Variants in AGBL1 observed in about 807,000 individuals in gnomAD.
AGBL1 encodes cytosolic carboxypeptidase 4.
In AGBL1, 130 loss-of-function variants were observed where a neutral mutation model predicts 118.9. That is an observed-to-expected ratio of 1.09 (90% CI 0.95 to 1.26). The LOEUF (loss-of-function observed/expected upper bound fraction) is 1.26. AGBL1 is among the 50% of genes most tolerant of loss of function. AGBL1 has a pLI of 0.00. For missense variants in AGBL1, 1,584 were observed against 1,298.1 expected (o/e 1.22, Z -3.38); for synonymous variants, 555 against 478.9 (o/e 1.16, Z -2.08).
intron 22 of AGBL1, among the ~76,000 whole-genome samples, chr15:86,892,719 A>G (rs2881638): frequency 0.45 from 68,902 of 151,950 alleles, 15,973 homozygotes; most frequent in East Asian, 0.65. Context: ...GCTCTTCTCT[A>G]TACATAGAAA....
chr15:86,889,056 T>A (rs1167524732), intron 22 of AGBL1, among the ~76,000 whole-genome samples: 1 of 152,126 alleles, frequency 6.6e-6, no homozygotes, highest in Non-Finnish European at 1.5e-5. Flanking sequence ...TTTTAACTTT[T>A]CAAAGGATTA....
chr15:86,196,857 ATGTGCACATG>A (rs1352305582), intron 5 of AGBL1, among the ~76,000 whole-genome samples: 5,562 of 123,966 alleles, frequency 0.045, 202 homozygotes, highest in African/African-American at 0.089. Context: ...GCATATGCGA[ATGTGCACATG>A]TGCGCGCGCG....
chr15:86,443,632 C>T (rs2082089347), intron 18 of AGBL1, among the ~76,000 whole-genome samples: 1 of 152,206 alleles, frequency 6.6e-6, no homozygotes, highest in South Asian at 2.1e-4. Flanking sequence ...CCTCCGGTAA[C>T]TGCTATTCTA....
intron 18 of AGBL1, among the ~76,000 whole-genome samples, chr15:86,494,410 C>T (rs1391487639): frequency 1.3e-5 from 2 of 151,986 alleles, no homozygotes; most frequent in Non-Finnish European, 2.9e-5. Context: ...TATGGTCACA[C>T]CTCAACATAA....
At chr15:86,717,405 C>T (rs2086654193) in intron 22 of AGBL1, among the ~76,000 whole-genome samples, 1 of 152,122 alleles carries the variant, frequency 6.6e-6, no homozygotes, top group Non-Finnish European at 1.5e-5. Flanking sequence ...GATTGCTAGG[C>T]TAAGCAATAG....
chr15:86,169,716 A>G (rs953200819), intron 5 of AGBL1, among the ~76,000 whole-genome samples: 9 of 152,244 alleles, frequency 5.9e-5, no homozygotes, highest in Admixed American at 1.3e-4. Flanking sequence ...GTTCATATTC[A>G]GCACAGATGC....
At chr15:87,018,638 T>TA (rs1354750948) in intron 24 of AGBL1, among the ~76,000 whole-genome samples, 1 of 151,406 alleles carries the variant, frequency 6.6e-6, no homozygotes, top group African/African-American at 2.4e-5. Flanking sequence ...GAAAAACTGT[T>TA]ACCAAAAGTA....
intron 14 of AGBL1, 145 bp from the exon 15 acceptor site, chr15:86,271,474 A>AAG: frequency 1.5e-6 from 1 of 670,288 alleles, no homozygotes; most frequent in Non-Finnish European, 2.6e-6. Context: ...TCCTTAACTT[A>AAG]ATCATATCTG....
intron 1 of AGBL1, among the ~76,000 whole-genome samples, chr15:86,103,832 G>A (rs984962716): frequency 2.0e-5 from 3 of 152,196 alleles, no homozygotes; most frequent in African/African-American, 4.8e-5. Flanking sequence ...TTCTTGGGTC[G>A]CCAGGTGGCT....
At position 86,224,919 on chromosome 15, in the gene AGBL1, C is replaced by T. The variant is rs375655107; in HGVS notation, c.494C>T (p.Ala165Val). 6 of 1,613,400 alleles carry T rather than the reference C, an allele frequency of 3.7e-6. No homozygotes were observed. Among genetic ancestry groups the T allele is most frequent in the Non-Finnish European group, 5.1e-6 (6 of 1,179,534 alleles). ...TTTTCTTTCTCTTTCCCCAGGGCAG[C>T]CACTGAAGTTTTGGCAGCATTGCTG... is the stretch of plus-strand genomic sequence containing the variant. ...TRKRTQAIRA[A>V]TEVLAALLKS... is the part of the protein sequence containing the mutation. The change falls in exon 6 of 23, where the codon GCC (alanine) becomes GTC (valine). Residue 165 changes from alanine (A) to valine (V), a missense_variant. Physicochemically the swap from Ala to Val is moderately conservative, Grantham distance 64. Transcript: ENST00000614907.
chr15:86,918,174 A>G (rs188776100), downstream of AGBL1, among the ~76,000 whole-genome samples: 68 of 152,352 alleles, frequency 4.5e-4, no homozygotes, highest in African/African-American at 1.4e-3. Flanking sequence ...TACCATAAAC[A>G]TGAACCAGAC....
intron 22 of AGBL1, among the ~76,000 whole-genome samples, chr15:86,872,453 T>C (rs527385812): frequency 1.3e-5 from 2 of 152,166 alleles, no homozygotes; most frequent in East Asian, 3.9e-4. Context: ...CAGAGAAAAA[T>C]CTAAAAATAT....
chr15:86,521,511 G>A (rs1381240115), intron 18 of AGBL1, among the ~76,000 whole-genome samples: 3 of 152,098 alleles, frequency 2.0e-5, no homozygotes, highest in African/African-American at 7.2e-5. Context: ...GTTTTATAAG[G>A]ACTCTGATCA....
At chr15:86,507,373 C>G (rs1311149092) in intron 18 of AGBL1, among the ~76,000 whole-genome samples, 3 of 152,072 alleles carry the variant, frequency 2.0e-5, no homozygotes, top group Non-Finnish European at 4.4e-5. Context: ...AAACTAGAGA[C>G]TGGAGAATTC....
intron 7 of AGBL1, 54 bp from the exon 8 acceptor site, chr15:86,256,799 G>C: frequency 1.3e-6 from 2 of 1,587,766 alleles, no homozygotes; most frequent in Non-Finnish European, 1.7e-6. Flanking sequence ...CTGTGTTACA[G>C]CTAGGGGACT....
At chr15:86,344,344 G>A (rs1402929345) in intron 17 of AGBL1, among the ~76,000 whole-genome samples, 2 of 152,148 alleles carry the variant, frequency 1.3e-5, no homozygotes, top group South Asian at 2.1e-4. Context: ...TGCCAAGCAC[G>A]AAGCCAATAG....
intron 20 of AGBL1, among the ~76,000 whole-genome samples, chr15:86,547,247 G>A (rs1391840190): frequency 6.6e-6 from 1 of 151,934 alleles, no homozygotes; most frequent in African/African-American, 2.4e-5. Context: ...CATTCATCTG[G>A]GCAGCTCCTG....
chr15:86,413,178 G>A (rs1162674129), intron 18 of AGBL1, among the ~76,000 whole-genome samples: 4 of 152,050 alleles, frequency 2.6e-5, no homozygotes, highest in Non-Finnish European at 5.9e-5. Context: ...CTTTATAGAA[G>A]AGAAAAATAA....
rs1234840451 is a variant in AGBL1 at position 86,803,451 on chromosome 15, C to T, written c.3159-103636C>T. On this transcript the variant is annotated intron_variant, in intron 22 of 22. Coordinates refer to ENST00000614907, the MANE Select transcript of AGBL1 (RefSeq NM_001386094.1). ...CTCTTCCCTTTATAAATTACCCAGTCTTAGTTATTTCTTTATAGCAGTGTG... is the reference window on the plus strand; with the variant it reads ...CTCTTCCCTTTATAAATTACCCAGTTTTAGTTATTTCTTTATAGCAGTGTG... Among the ~76,000 whole-genome samples the T allele has an allele frequency of 3.3e-5, 5 of 152,128 alleles. No individual in the cohort carries two copies. In the East Asian group the frequency reaches 9.6e-4, roughly 29 times the overall value.
Sources: gnomAD v4.1 joint callset for allele counts (sites outside exome capture counted in the v4.1 genomes callset) on GRCh38, gnomAD v4.1.1 for gene constraint, MANE v1.5 for transcripts, NCBI Gene and HGNC (gene_info 2026-07-23, HGNC 2026-07-21) for gene names.